FAM229B: variants seen among roughly 807,000 people sequenced by gnomAD.
FAM229B encodes protein FAM229B.
Under a neutral mutation model 6.7 loss-of-function variants are expected in FAM229B, and 2 were observed. That is an observed-to-expected ratio of 0.30 (90% CI 0.12 to 0.94). FAM229B has a LOEUF of 0.94. FAM229B is among the 40% of genes least tolerant of loss of function. FAM229B has a pLI of 0.54. For missense variants in FAM229B, 93 were observed against 96.2 expected, an observed-to-expected ratio of 0.97 and a Z score of 0.14; for synonymous variants, 29 against 34.0, an observed-to-expected ratio of 0.85 and a Z score of 0.51.
chr6:112,090,179 A>C (rs1369692724), intron 1 of FAM229B, among the ~76,000 whole-genome samples: 1 of 151,210 alleles, frequency 6.6e-6, no homozygotes, highest in African/African-American at 2.5e-5. Flanking sequence ...GTAAGTTGTC[A>C]TTAAAATATA....
At chr6:112,089,492 A>T (rs1221470574) in intron 1 of FAM229B, among the ~76,000 whole-genome samples, 1 of 152,188 alleles carries the variant, frequency 6.6e-6, no homozygotes, top group Non-Finnish European at 1.5e-5. Context: ...ATAAGACTCA[A>T]GCTCTATGAG....
At chr6:112,088,857 A>G (rs1288807754) in intron 1 of FAM229B, among the ~76,000 whole-genome samples, 1 of 152,162 alleles carries the variant, frequency 6.6e-6, no homozygotes, top group Non-Finnish European at 1.5e-5. Context: ...AGGTGAGATG[A>G]TACACTGGCC....
In FAM229B at chr6:112,099,412, A is replaced by G. The variant is rs1348430543; in HGVS notation, c.125+4A>G. On this transcript the variant is annotated splice_donor_region_variant and intron_variant, in intron 3 of 3. Transcript: ENST00000368656. ...GGAAGGAGATGTCACCAACCAGGTAAAGTCTTCTGTCCTCACAAGTGAGGA... is the reference window on the plus strand; with the variant it reads ...GGAAGGAGATGTCACCAACCAGGTAGAGTCTTCTGTCCTCACAAGTGAGGA... The G allele has an allele frequency of 1.9e-6, 3 of 1,612,604 alleles. No individual in the cohort carries two copies. Among genetic ancestry groups the G allele is most frequent in the Non-Finnish European group, 2.5e-6 (3 of 1,179,390 alleles).
At chr6:112,095,892 C>T (rs587611291) in intron 1 of FAM229B, among the ~76,000 whole-genome samples, 2 of 152,166 alleles carry the variant, frequency 1.3e-5, no homozygotes, top group South Asian at 4.2e-4. Flanking sequence ...TGGTGATCAA[C>T]TTATTCACAG....
rs1274698062 is a variant in FAM229B at position 112,102,727 on chromosome 6, A to G, written c.*1940A>G. On this transcript the variant is annotated 3_prime_UTR_variant, in exon 4 of 4. Coordinates refer to ENST00000368656, the MANE Select transcript of FAM229B (RefSeq NM_001033564.3). ...TGAAAGGATCAAACTGATTTCAAGT[A>G]ACTTGAGTGCATCCAAGGGGAGAAA... The G allele has an allele frequency of 6.6e-6, 1 of 152,180 alleles. No individual in the cohort carries two copies. Among genetic ancestry groups the G allele is most frequent in the Non-Finnish European group, 1.5e-5 (1 of 68,042 alleles). 9.4% of individuals were successfully genotyped at this position (152,180 alleles called of 1,614,324 possible). A position where few individuals can be genotyped will look rare whatever the true frequency, so the allele number is the denominator to read the frequency against.
At chr6:112,098,258 A>G (rs1777352268) in intron 2 of FAM229B, among the ~76,000 whole-genome samples, 1 of 152,192 alleles carries the variant, frequency 6.6e-6, no homozygotes, top group South Asian at 2.1e-4. Context: ...GACTTAATGG[A>G]TTGCATTGGC....
chr6:112,099,096 T>C (rs1178207447), intron 2 of FAM229B, among the ~76,000 whole-genome samples, 174 bp from the exon 3 acceptor site: 2 of 152,124 alleles, frequency 1.3e-5, no homozygotes, highest in Non-Finnish European at 2.9e-5. Flanking sequence ...GGTTTCAAAA[T>C]TGTAGTGCAC....
chr6:112,089,340 GA>G (rs1290619875), intron 1 of FAM229B, among the ~76,000 whole-genome samples: 1 of 152,098 alleles, frequency 6.6e-6, no homozygotes. Flanking sequence ...CGATGTAAAA[GA>G]TGGATAAAGT....
intron 1 of FAM229B, among the ~76,000 whole-genome samples, chr6:112,095,662 C>CAAAAAAAAAAAAAAAAAAAAAAAAACA (rs376039549): frequency 6.4e-5 from 5 of 77,904 alleles, no homozygotes; most frequent in Admixed American, 1.4e-4. Context: ...AAAAAAAAAC[C>CAAAAAAAAAAAAAAAAAAAAAAAAACA]AAAAAAAAAA....
At chr6:112,090,604 A>G (rs1036511984) in intron 1 of FAM229B, among the ~76,000 whole-genome samples, 8 of 149,830 alleles carry the variant, frequency 5.3e-5, no homozygotes, top group East Asian at 1.9e-4. Context: ...TAAAACAACA[A>G]TTTTTTTTTT....
chr6:112,095,320 G>A (rs587738737), intron 1 of FAM229B, among the ~76,000 whole-genome samples: 2 of 152,156 alleles, frequency 1.3e-5, no homozygotes, highest in East Asian at 3.9e-4. Context: ...TAAAATCTCA[G>A]AGCTAACATT....
chr6:112,093,679 G>C (rs191964494), intron 1 of FAM229B, among the ~76,000 whole-genome samples: 2 of 151,946 alleles, frequency 1.3e-5, no homozygotes, highest in East Asian at 3.9e-4. Flanking sequence ...GACAAAAATG[G>C]AACCTAATTA....
chr6:112,097,940 T>C (rs371281608), intron 2 of FAM229B, among the ~76,000 whole-genome samples: 138 of 152,306 alleles, frequency 9.1e-4, no homozygotes, highest in African/African-American at 3.1e-3. Flanking sequence ...CAGTTTTGCC[T>C]CTCTCTCCCA....
At chr6:112,090,980 G>T (rs6909403) in intron 1 of FAM229B, among the ~76,000 whole-genome samples, 45,267 of 151,838 alleles carry the variant, frequency 0.3, 7,122 homozygotes, top group African/African-American at 0.41. Flanking sequence ...TATTGTATCC[G>T]TTGGACATCT....
At position 112,102,186 on chromosome 6, in the gene FAM229B, G is replaced by GA; in HGVS notation, c.*1404dup. 6.6e-6 allele frequency: 1 copy of GA among 152,236 alleles called. No homozygotes were observed. Among genetic ancestry groups the GA allele is most frequent in the Middle Eastern group, 3.4e-3 (1 of 294 alleles). The allele number at this position is 152,236 out of a possible 1,614,324, so 9.4% of individuals were successfully genotyped here. ...ATGACAGGAAGGAGAAAGGAGTGAT[G>GA]AAAAATTCCTCAGAGGGCTGGGCTT... On this transcript the variant is annotated 3_prime_UTR_variant, in exon 4 of 4. Transcript: ENST00000368656.
At chr6:112,091,865 G>T (rs1244302448) in intron 1 of FAM229B, among the ~76,000 whole-genome samples, 1 of 145,502 alleles carries the variant, frequency 6.9e-6, no homozygotes, top group African/African-American at 2.5e-5. Context: ...CAGGCAGACT[G>T]AGAAGGGACA....
chr6:112,095,981 T>A (rs1434186289), intron 1 of FAM229B, among the ~76,000 whole-genome samples: 1 of 152,214 alleles, frequency 6.6e-6, no homozygotes, highest in African/African-American at 2.4e-5. Flanking sequence ...AAATGCCAGT[T>A]TTCTATAACT....
chr6:112,095,589 T>TCATG (rs1214827423), intron 1 of FAM229B, among the ~76,000 whole-genome samples: 1 of 121,388 alleles, frequency 8.2e-6, no homozygotes, highest in African/African-American at 3.2e-5. Context: ...TCAGCCATGA[T>TCATG]CATGCCACTG....
At chr6:112,090,516 G>C (rs868938511) in intron 1 of FAM229B, among the ~76,000 whole-genome samples, 16 of 152,232 alleles carry the variant, frequency 1.1e-4, no homozygotes, top group African/African-American at 3.6e-4. Context: ...CGGTACCTAA[G>C]TCTGGACCAA....
Sources: gnomAD v4.1 joint callset for allele counts (sites outside exome capture counted in the v4.1 genomes callset) on GRCh38, gnomAD v4.1.1 for gene constraint, MANE v1.5 for transcripts, NCBI Gene and HGNC (gene_info 2026-07-23, HGNC 2026-07-21) for gene names.